TOX3: variants seen among roughly 807,000 people sequenced by gnomAD.
TOX3 encodes the protein CAG trinucleotide repeat-containing gene F9 protein.
In TOX3, 22 loss-of-function variants were observed where a neutral mutation model predicts 64.3. That is an observed-to-expected ratio of 0.34 (90% CI 0.24 to 0.49). The LOEUF (loss-of-function observed/expected upper bound fraction) is 0.49. Among genes scored for constraint, TOX3 ranks in the 20% least tolerant of loss-of-function variants. TOX3 has a pLI of 0.99. For missense variants in TOX3, 661 were observed against 714.4 expected, an observed-to-expected ratio of 0.93 and a Z score of 0.85; for synonymous variants, 291 against 273.6, an observed-to-expected ratio of 1.06 and a Z score of -0.63.
At chr16:52,535,259 T>C (rs1306348401) in intron 1 of TOX3, among the ~76,000 whole-genome samples, 1 of 152,100 alleles carries the variant, frequency 6.6e-6, no homozygotes, top group East Asian at 1.9e-4. Context: ...CCTTCCACAG[T>C]AATTGAGAGT....
chr16:52,439,467 G>T lies in TOX3; in HGVS notation c.1489C>A (p.Leu497Ile). Reference protein sequence around the residue: ...QQHLQQQQQHLQQQINQQQLQ... With the variant: ...QQHLQQQQQHIQQQINQQQLQ... ...TGCTGTTGATTAATTTGCTGCTGGAGATGCTGCTGCTGCTGCTGCAGGTGC... is the reference window on the plus strand; with the variant it reads ...TGCTGTTGATTAATTTGCTGCTGGATATGCTGCTGCTGCTGCTGCAGGTGC... The change falls in exon 7 of 7, where the codon CTC (leucine) becomes ATC (isoleucine). Residue 497 changes from leucine to isoleucine, a missense_variant. By Grantham distance (5) the Leu-to-Ile change is conservative (BLOSUM62 2). Coordinates refer to ENST00000219746, the MANE Select transcript of TOX3 (RefSeq NM_001080430.4). The T allele has an allele frequency of 6.8e-7, 1 of 1,459,978 alleles. No individual in the cohort carries two copies. Among genetic ancestry groups the T allele is most frequent in the Non-Finnish European group, 9.4e-7 (1 of 1,063,624 alleles). The allele number at this position is 1,459,978 out of a possible 1,614,324, so 90.4% of individuals were successfully genotyped here.
At position 52,528,561 on chromosome 16, in the gene TOX3, T is replaced by C. The variant is rs117076534; in HGVS notation, c.87+18076A>G. Among the ~76,000 whole-genome samples, 64 of 152,192 alleles carry C rather than the reference T, an allele frequency of 4.2e-4. 1 individual carries two copies. The East Asian group carries it at 0.011, about 27-fold the overall frequency. The stretch of plus-strand genomic sequence containing the variant: ...AAACCGGGCAGACTGCCTGGTTCCC[T>C]AGCCTCTCTCTCTCGCACCGTGCCA... On this transcript the variant is annotated intron_variant, in intron 1 of 6. Coordinates refer to ENST00000219746, the MANE Select transcript of TOX3 (RefSeq NM_001080430.4).
rs1477442719 is a variant in TOX3 at position 52,437,227 on chromosome 16, G to C, written c.*1998C>G. On this transcript the variant is annotated 3_prime_UTR_variant, in exon 7 of 7. Transcript: ENST00000219746. ...AAATTTATAATTAGAATCTCTTGCTGTTCAATATTTGTACATAATACAGAG... is the reference window on the plus strand; with the variant it reads ...AAATTTATAATTAGAATCTCTTGCTCTTCAATATTTGTACATAATACAGAG... 6.6e-6 allele frequency: 1 copy of C among 152,132 alleles called. No individual in the cohort carries two copies. Among genetic ancestry groups the C allele is most frequent in the Non-Finnish European group, 1.5e-5 (1 of 68,024 alleles). The allele number at this position is 152,132 out of a possible 1,614,324, so 9.4% of individuals were successfully genotyped here.
intron 3 of TOX3, among the ~76,000 whole-genome samples, chr16:52,454,311 C>T (rs1221924918): frequency 6.6e-6 from 1 of 152,068 alleles, no homozygotes; most frequent in Non-Finnish European, 1.5e-5. Flanking sequence ...GTGGTGGGGC[C>T]AAGGCCTTGC....
At chr16:52,529,258 G>T (rs1962794703) in intron 1 of TOX3, among the ~76,000 whole-genome samples, 1 of 152,200 alleles carries the variant, frequency 6.6e-6, no homozygotes, top group Admixed American at 6.5e-5. Flanking sequence ...ATTCTAGCAA[G>T]TACTGTAAAT....
At chr16:52,479,083 G>C (rs922335981) in intron 1 of TOX3, among the ~76,000 whole-genome samples, 1 of 152,186 alleles carries the variant, frequency 6.6e-6, no homozygotes, top group Non-Finnish European at 1.5e-5. Flanking sequence ...GACTCCTCAT[G>C]ACAGGTACTA....
intron 1 of TOX3, among the ~76,000 whole-genome samples, chr16:52,517,989 G>T (rs1050676008): frequency 2.0e-5 from 3 of 152,076 alleles, no homozygotes; most frequent in Non-Finnish European, 4.4e-5. Context: ...TACAGATGGA[G>T]TATACTAAAT....
intron 1 of TOX3, among the ~76,000 whole-genome samples, chr16:52,484,337 C>G (rs367864549): frequency 5.9e-5 from 9 of 152,230 alleles, no homozygotes; most frequent in African/African-American, 9.6e-5. Flanking sequence ...AAACATGATT[C>G]AAAACCATAT....
At chr16:52,497,088 T>C (rs1217568992) in intron 1 of TOX3, among the ~76,000 whole-genome samples, 2 of 152,190 alleles carry the variant, frequency 1.3e-5, no homozygotes, top group Non-Finnish European at 2.9e-5. Context: ...CTTTTATTGC[T>C]ACTTTGCTAA....
intron 2 of TOX3, among the ~76,000 whole-genome samples, chr16:52,464,588 C>T (rs939810261): frequency 3.3e-5 from 5 of 152,200 alleles, no homozygotes; most frequent in African/African-American, 4.8e-5. Flanking sequence ...CACACACACA[C>T]ACATATTAAT....
chr16:52,546,789 G>A lies in TOX3; in HGVS notation c.-66C>T. On this transcript the variant is annotated 5_prime_UTR_variant, in exon 1 of 7. Coordinates refer to ENST00000219746, the MANE Select transcript of TOX3 (RefSeq NM_001080430.4). ...CGCCGGGGCCGGGACCCGCCTCCTC[G>A]CCGCCGCTAGATCCACCGTCGAGGG... 2 of 1,414,854 alleles carry A rather than the reference G, an allele frequency of 1.4e-6. No homozygotes were observed. Among genetic ancestry groups the A allele is most frequent in the Non-Finnish European group, 1.8e-6 (2 of 1,084,626 alleles). 87.6% of individuals were successfully genotyped at this position (1,414,854 alleles called of 1,614,324 possible). A position where few individuals can be genotyped will look rare whatever the true frequency, so the allele number is the denominator to read the frequency against.
At chr16:52,522,809 C>G (rs888211557) in intron 1 of TOX3, among the ~76,000 whole-genome samples, 2 of 152,172 alleles carry the variant, frequency 1.3e-5, no homozygotes, top group East Asian at 3.9e-4. Context: ...CCATGAGAAG[C>G]ATTTTTTTGT....
chr16:52,541,110 C>A (rs1459886884), intron 1 of TOX3, among the ~76,000 whole-genome samples: 2 of 151,992 alleles, frequency 1.3e-5, no homozygotes, highest in Non-Finnish European at 2.9e-5. Flanking sequence ...CAGCCCTGGG[C>A]CCATGAATCA....
intron 1 of TOX3, among the ~76,000 whole-genome samples, chr16:52,525,784 C>T (rs1244221764): frequency 6.6e-6 from 1 of 152,132 alleles, no homozygotes; most frequent in African/African-American, 2.4e-5. Flanking sequence ...AGTGATAATG[C>T]ACTTTAATGG....
intron 1 of TOX3, among the ~76,000 whole-genome samples, chr16:52,528,302 T>G (rs531472334): frequency 2.0e-4 from 31 of 152,198 alleles, no homozygotes; most frequent in Non-Finnish European, 1.2e-4. Flanking sequence ...GCAAATGTTA[T>G]TAGTGTCCTC....
At chr16:52,450,630 G>T in intron 3 of TOX3, 84 bp from the exon 4 acceptor site, 1 of 1,546,164 alleles carries the variant, frequency 6.5e-7, no homozygotes. Context: ...TCCTTAGATA[G>T]GTTTGAACTG....
At chr16:52,477,975 T>C (rs536394284) in intron 1 of TOX3, among the ~76,000 whole-genome samples, 1 of 152,212 alleles carries the variant, frequency 6.6e-6, no homozygotes, top group Admixed American at 6.5e-5. Context: ...GTCACTTGGA[T>C]TACAGGAATG....
chr16:52,446,220 G>T lies in TOX3; in HGVS notation c.680C>A (p.Ala227Asp). 1 of 1,612,056 alleles carries T rather than the reference G, an allele frequency of 6.2e-7. No individual in the cohort carries two copies. The highest frequency in any genetic ancestry group is 8.5e-7 in the Non-Finnish European group (1 of 1,179,460). ...TGGAGCAGCTCTTTTCTCTCCAATG[G>T]CCTGCAAAGCAGGAAGAAAATTCAC... ...NEEDADEANR[A>D]IGEKRAAPDS... The change falls in exon 5 of 7, where the codon GCC (alanine) becomes GAC (aspartate). Residue 227 changes from alanine to aspartate, a missense_variant and splice_region_variant. By Grantham distance (126) the Ala-to-Asp change is moderately radical. Coordinates refer to ENST00000219746, the MANE Select transcript of TOX3 (RefSeq NM_001080430.4).
At chr16:52,440,752 CTTTTTTTTTTTTT>C (rs60615310) in intron 6 of TOX3, among the ~76,000 whole-genome samples, 1,621 of 66,644 alleles carry the variant, frequency 0.024, 24 homozygotes, top group Middle Eastern at 0.071. Context: ...TTCTTTCTTT[CTTTTTTTTTTTTT>C]TTTTTTTTTT....
Sources: allele counts gnomAD v4.1 joint callset (sites outside exome capture counted in the v4.1 genomes callset), GRCh38; gene constraint gnomAD v4.1.1; transcripts MANE v1.5; gene names NCBI Gene and HGNC (gene_info 2026-07-23, HGNC 2026-07-21).